PHRF1: variants seen among roughly 807,000 people sequenced by gnomAD.
PHRF1 encodes PHD and RING finger domain-containing protein 1.
PHRF1 carries 53 observed loss-of-function variants against 128.9 expected under a neutral mutation model. That is an observed-to-expected ratio of 0.41 (90% CI 0.33 to 0.52). The LOEUF (loss-of-function observed/expected upper bound fraction) is 0.52, where lower values mean the gene tolerates loss of function less well. Among genes scored for constraint, PHRF1 ranks in the 20% least tolerant of loss-of-function variants. The pLI, the probability that PHRF1 is intolerant of heterozygous loss-of-function variation, is 0.21. For synonymous variants in PHRF1, 1,178 were observed against 980.6 expected (o/e 1.20, Z -3.76); for missense variants, 2,503 against 2,284.5 (o/e 1.10, Z -1.95).
intron 11 of PHRF1, 117 bp downstream of exon 11, chr11:605,417 G>T: frequency 6.7e-7 from 1 of 1,484,790 alleles, no homozygotes; most frequent in Non-Finnish European, 9.1e-7. Flanking sequence ...AGTGAGGGTG[G>T]CCATTCCTCC....
intron 15 of PHRF1, 52 bp downstream of exon 15, chr11:610,399 G>A (rs1451455856): frequency 1.7e-5 from 26 of 1,535,802 alleles, no homozygotes; most frequent in East Asian, 7.2e-5. Flanking sequence ...CCTGGCACCC[G>A]TGCCACACAC....
intron 4 of PHRF1, among the ~76,000 whole-genome samples, chr11:588,377 C>CT (rs56267241): frequency 0.048 from 7,013 of 145,908 alleles, 234 homozygotes; most frequent in South Asian, 0.11. Context: ...TTAGACTTTT[C>CT]TTTTTTTTTT....
intron 12 of PHRF1, 108 bp from the exon 13 acceptor site, chr11:606,334 G>A (rs1855935882): frequency 7.2e-7 from 1 of 1,385,616 alleles, no homozygotes; most frequent in African/African-American, 1.5e-5. Context: ...CGCAGGCCCG[G>A]CCCAGCCCCA....
intron 3 of PHRF1, among the ~76,000 whole-genome samples, chr11:584,389 C>A (rs900456131): frequency 6.6e-6 from 1 of 152,174 alleles, no homozygotes; most frequent in African/African-American, 2.4e-5. Context: ...TCAGCAGGGC[C>A]CCCACCGTGT....
At chr11:601,850 C>G in intron 10 of PHRF1, 149 bp downstream of exon 10, 1 of 1,078,376 alleles carries the variant, frequency 9.3e-7, no homozygotes, top group Non-Finnish European at 1.3e-6. Context: ...TCTGTATTTA[C>G]TCAGTGATTT....
intron 5 of PHRF1, 137 bp downstream of exon 5, chr11:591,604 C>A: frequency 2.7e-6 from 2 of 742,666 alleles, no homozygotes; most frequent in Non-Finnish European, 4.1e-6. Flanking sequence ...AACTCAAGTG[C>A]CCCTTGTGGC....
In PHRF1 at chr11:597,108, G is replaced by A; in HGVS notation, c.718+88G>A. 7.3e-7 allele frequency: 1 copy of A among 1,370,934 alleles called. No homozygotes were observed. The highest frequency in any genetic ancestry group is 1.0e-6 in the Non-Finnish European group (1 of 987,644). 84.9% of individuals were successfully genotyped at this position (1,370,934 alleles called of 1,614,324 possible). A position where few individuals can be genotyped will look rare whatever the true frequency, so the allele number is the denominator to read the frequency against. Reference sequence around the variant, plus strand: ...CCGGGGTTAGGTTTGGCTGCTGTGTGGGGAGGACATCTAGGGCTGTCTCAT... The same window carrying A: ...CCGGGGTTAGGTTTGGCTGCTGTGTAGGGAGGACATCTAGGGCTGTCTCAT... On this transcript the variant is annotated intron_variant, in intron 7 of 17. Coordinates refer to ENST00000264555, the MANE Select transcript of PHRF1 (RefSeq NM_001286581.2). The surrounding 1 kb of genome is among the most constrained non-coding windows in gnomAD (Gnocchi z 6.5).
At chr11:587,552 G>C in intron 4 of PHRF1, 88 bp downstream of exon 4, 1 of 1,366,840 alleles carries the variant, frequency 7.3e-7, no homozygotes, top group South Asian at 1.2e-5. Flanking sequence ...CCTCTTGTGA[G>C]GTTCTAGTTG....
At chr11:595,343 C>T (rs1461221810) in intron 6 of PHRF1, among the ~76,000 whole-genome samples, 1 of 152,200 alleles carries the variant, frequency 6.6e-6, no homozygotes, top group Non-Finnish European at 1.5e-5. Context: ...GATACACTGA[C>T]ATTACATGAA....
rs948017534 is a variant in PHRF1 at position 581,260 on chromosome 11, G to A, written c.-21-232G>A. ...GTTGTTCTGTGGGTGATATCTTAGG[G>A]CTCACCCTTCACGTGCTGTGGCGGT... On this transcript the variant is annotated intron_variant, in intron 1 of 17. Transcript: ENST00000264555. 2.6e-5 allele frequency among the ~76,000 whole-genome samples: 4 copies of A among 152,288 alleles called. No individual in the cohort carries two copies. In the East Asian group the frequency reaches 7.7e-4, roughly 29 times the overall value.
At chr11:605,556 TG>T (rs749190336) in intron 11 of PHRF1, 48 bp from the exon 12 acceptor site, 1 of 1,599,540 alleles carries the variant, frequency 6.3e-7, no homozygotes, top group Non-Finnish European at 8.5e-7. Context: ...CTGGGGTTTC[TG>T]GGAGCTGGGA....
Position 609,413 on chromosome 11 carries a change from C to T in PHRF1, c.3957C>T (p.Ile1319=). Reference sequence around the variant, plus strand: ...CAGCCAGCCTGGCCGTGGCCGCCATCCAGAGGGAGGTGTCATTGATGCACG... The same window carrying T: ...CAGCCAGCCTGGCCGTGGCCGCCATTCAGAGGGAGGTGTCATTGATGCACG... The part of the protein sequence containing the change: ...LPPASLAVAA[I]QREVSLMHDE... The change falls in exon 14 of 18, where the codon ATC becomes ATT. Residue 1319 remains isoleucine, a synonymous_variant. Coordinates refer to ENST00000264555, the MANE Select transcript of PHRF1 (RefSeq NM_001286581.2). 6.2e-7 allele frequency: 1 copy of T among 1,610,058 alleles called. No individual in the cohort carries two copies. Among genetic ancestry groups the T allele is most frequent in the Non-Finnish European group, 8.5e-7 (1 of 1,179,818 alleles).
intron 4 of PHRF1, among the ~76,000 whole-genome samples, chr11:588,440 C>T (rs996240223): frequency 1.8e-4 from 28 of 151,684 alleles, no homozygotes; most frequent in African/African-American, 5.8e-4. Flanking sequence ...AGTGCAATGG[C>T]GCGATCTTGG....
At position 601,483 on chromosome 11, in the gene PHRF1, C is replaced by T. The variant is rs561205566; in HGVS notation, c.1025-91C>T. ...TGCGTGTGGTCCCGCTGTACCGGCT[C>T]CTTGGGCTCCGTCCACTGGGCTGGA... is the stretch of plus-strand genomic sequence containing the variant. On this transcript the variant is annotated intron_variant, in intron 9 of 17. Coordinates refer to ENST00000264555, the MANE Select transcript of PHRF1 (RefSeq NM_001286581.2). The T allele has an allele frequency of 1.1e-4, 178 of 1,560,002 alleles. 1 individual carries two copies. In the South Asian group the frequency reaches 1.4e-3, roughly 12 times the overall value.
At chr11:603,012 C>T (rs1372266231) in intron 10 of PHRF1, among the ~76,000 whole-genome samples, 9 of 152,052 alleles carry the variant, frequency 5.9e-5, no homozygotes, top group South Asian at 4.2e-4. Context: ...CTGCCCACCT[C>T]GGCCCCCAAA....
rs538611240 is a variant in PHRF1, at chr11:578,690, C to G, written c.-22+2098C>G. ...AAGTGATCTTTGCACCTCAGACTCC[C>G]GAGCAGCTGGGACTACAGGCGGTTT... On this transcript the variant is annotated intron_variant, in intron 1 of 17. Coordinates refer to ENST00000264555, the MANE Select transcript of PHRF1 (RefSeq NM_001286581.2). Among the ~76,000 whole-genome samples the G allele has an allele frequency of 5.3e-5, 8 of 152,268 alleles. No individual in the cohort carries two copies. In the South Asian group the frequency reaches 1.7e-3, roughly 32 times the overall value.
chr11:585,579 C>T (rs71283535), intron 3 of PHRF1, among the ~76,000 whole-genome samples: 2,675 of 26,058 alleles, frequency 0.1, 23 homozygotes, highest in Middle Eastern at 0.13. Context: ...AGGTAGTAGC[C>T]CTTTCCAGCT....
chr11:598,098 CCAGTA>C (rs1380528321), intron 8 of PHRF1, among the ~76,000 whole-genome samples: 1 of 152,206 alleles, frequency 6.6e-6, no homozygotes, highest in African/African-American at 2.4e-5. Flanking sequence ...AGTGCCCTGC[CCAGTA>C]CCTGCGCCAC....
intron 3 of PHRF1, 31 bp downstream of exon 3, chr11:582,112 G>C (rs1235574081): frequency 6.4e-7 from 1 of 1,562,250 alleles, no homozygotes; most frequent in Non-Finnish European, 8.7e-7. Context: ...GCCGGCTCCT[G>C]TGTTTCCTCT....
Sources: allele counts gnomAD v4.1 joint callset (sites outside exome capture counted in the v4.1 genomes callset), GRCh38; gene constraint gnomAD v4.1.1; non-coding constraint Gnocchi (gnomAD v3.1); transcripts MANE v1.5; gene names NCBI Gene and HGNC (gene_info 2026-07-23, HGNC 2026-07-21).